NEK1: variants seen among roughly 807,000 people sequenced by gnomAD.
NEK1 encodes the protein NIMA related kinase 1, also known as serine/threonine-protein kinase Nek1.
NEK1 carries 137 observed loss-of-function variants against 182.1 expected under a neutral mutation model. The observed-to-expected ratio is 0.75, with a 90% confidence interval of 0.65 to 0.87. NEK1 has a LOEUF of 0.87. NEK1 is among the 40% of genes least tolerant of loss of function. NEK1 has a pLI of 0.00. For synonymous variants in NEK1, 513 were observed against 492.2 expected, an observed-to-expected ratio of 1.04 and a Z score of -0.56; for missense variants, 1,391 against 1,494.4, an observed-to-expected ratio of 0.93 and a Z score of 1.14.
chr4:169,441,223 C>G (rs562687328), intron 27 of NEK1, among the ~76,000 whole-genome samples: 161 of 152,298 alleles, frequency 1.1e-3, no homozygotes, highest in African/African-American at 3.8e-3. Flanking sequence ...AGCAACCCTG[C>G]CTCCCCTAGC....
At position 169,580,840 on chromosome 4, in the gene NEK1, A is replaced by G; in HGVS notation, c.868+2T>C. On this transcript the variant is annotated splice_donor_variant, in intron 11 of 35. Coordinates refer to ENST00000507142, the MANE Select transcript of NEK1 (RefSeq NM_001199397.3). LOFTEE classifies it high-confidence loss of function. ...AAAGGCTTCATATCAGATTTCATTT[A>G]CCTGGTATAGGCTGTGATCCAAACT... 2 of 1,518,926 alleles carry G rather than the reference A, an allele frequency of 1.3e-6. No homozygotes were observed. The highest frequency in any genetic ancestry group is 1.8e-6 in the Non-Finnish European group (2 of 1,119,096). The allele number at this position is 1,518,926 out of a possible 1,614,324, so 94.1% of individuals were successfully genotyped here. A position where few individuals can be genotyped will look rare whatever the true frequency, so the allele number is the denominator to read the frequency against.
Position 169,406,674 on chromosome 4 carries a change from T to C in NEK1, c.3296A>G (p.Asp1099Gly), listed in dbSNP as rs1418614354. The C allele has an allele frequency of 5.6e-6, 9 of 1,609,928 alleles. No individual in the cohort carries two copies. The highest frequency in any genetic ancestry group is 1.3e-5 in the African/African-American group (1 of 74,752). The change falls in exon 32 of 36, where the codon GAT (aspartate) becomes GGT (glycine). Residue 1099 changes from aspartate to glycine, a missense_variant. Around this residue, in one of 5 missense-constraint regions of NEK1, gnomAD observed 1,216 missense variants for 1,277.6 expected, o/e 0.95. Transcript: ENST00000507142. ...TATTTCAAGATTGTCTTGACGAACA[T>C]CTCCTACGGTGGGAACATCCATAAG... ...RTLMDVPTVG[D>G]VRQDNLEIDE...
At chr4:169,589,769 A>T (rs1768127867) in intron 6 of NEK1, among the ~76,000 whole-genome samples, 1 of 152,146 alleles carries the variant, frequency 6.6e-6, no homozygotes, top group Non-Finnish European at 1.5e-5. Context: ...TCTTCATGCC[A>T]TTGGGCTAGG....
Position 169,394,401 on chromosome 4 carries a change from T to C in NEK1, c.*109A>G. ...ATGCAATAAGAAAGTCCATCTTAAA[T>C]CTGATTTTTTAAATAAATAATTGCT... On this transcript the variant is annotated 3_prime_UTR_variant, in exon 36 of 36. Coordinates refer to ENST00000507142, the MANE Select transcript of NEK1 (RefSeq NM_001199397.3). 1 of 684,444 alleles carries C rather than the reference T, an allele frequency of 1.5e-6. No homozygotes were observed. The highest frequency in any genetic ancestry group is 2.5e-6 in the Non-Finnish European group (1 of 403,820). The allele number at this position is 684,444 out of a possible 1,614,324, so 42.4% of individuals were successfully genotyped here.
chr4:169,444,766 C>T (rs1579677231), intron 27 of NEK1, among the ~76,000 whole-genome samples: 1 of 152,198 alleles, frequency 6.6e-6, no homozygotes, highest in African/African-American at 2.4e-5. Flanking sequence ...TAACAGACAT[C>T]TACAGAACAC....
In NEK1 at chr4:169,531,214, C is replaced by T. The variant is rs140360980; in HGVS notation, c.1665+6595G>A. 4.7e-3 allele frequency among the ~76,000 whole-genome samples: 707 copies of T among 151,984 alleles called. 5 individuals are homozygous for T. Among genetic ancestry groups the T allele is most frequent in the African/African-American group, 0.016 (676 of 41,462 alleles). On this transcript the variant is annotated intron_variant, in intron 19 of 35. Coordinates refer to ENST00000507142, the MANE Select transcript of NEK1 (RefSeq NM_001199397.3). ...TAGTTCATGATCAAATGTCACAGAGCGGCAGAGTAAGATGAGGATTAAAAA... is the reference window on the plus strand; with the variant it reads ...TAGTTCATGATCAAATGTCACAGAGTGGCAGAGTAAGATGAGGATTAAAAA...
intron 19 of NEK1, among the ~76,000 whole-genome samples, chr4:169,532,219 C>A (rs1188032044): frequency 6.6e-6 from 1 of 152,056 alleles, no homozygotes; most frequent in African/African-American, 2.4e-5. Flanking sequence ...GAGATATACA[C>A]TTAGAATTTT....
At chr4:169,428,857 G>A (rs1159589339) in intron 29 of NEK1, among the ~76,000 whole-genome samples, 1 of 152,052 alleles carries the variant, frequency 6.6e-6, no homozygotes, top group Non-Finnish European at 1.5e-5. Context: ...TCTAATCTAT[G>A]GAGATGGTTT....
chr4:169,458,436 T>C (rs1349211777), intron 27 of NEK1, among the ~76,000 whole-genome samples: 1 of 152,024 alleles, frequency 6.6e-6, no homozygotes, highest in Non-Finnish European at 1.5e-5. Context: ...AAATATAAAA[T>C]GCAAAACTAG....
chr4:169,510,013 T>C (rs1038591847), intron 19 of NEK1, among the ~76,000 whole-genome samples: 9 of 152,324 alleles, frequency 5.9e-5, no homozygotes, highest in Middle Eastern at 6.8e-3. Context: ...CACTCCACTA[T>C]ACAAATGTTC....
chr4:169,403,748 A>C (rs1732086598), intron 32 of NEK1, among the ~76,000 whole-genome samples: 1 of 152,204 alleles, frequency 6.6e-6, no homozygotes, highest in Non-Finnish European at 1.5e-5. Context: ...ACTGTAAGAA[A>C]GTATGAGAAG....
intron 2 of NEK1, among the ~76,000 whole-genome samples, chr4:169,609,460 C>T (rs548612607): frequency 8.5e-5 from 13 of 152,294 alleles, no homozygotes; most frequent in African/African-American, 3.1e-4. Context: ...ACAGTCAACA[C>T]AGCAACTTTT....
chr4:169,543,047 C>G (rs1396343037), intron 18 of NEK1, among the ~76,000 whole-genome samples: 3 of 152,098 alleles, frequency 2.0e-5, no homozygotes, highest in Non-Finnish European at 4.4e-5. Flanking sequence ...GTGTTTTAGT[C>G]ATGAAGTCTT....
At chr4:169,555,315 A>G (rs1762008336) in intron 18 of NEK1, 1 of 201,408 alleles carries the variant, frequency 5.0e-6, no homozygotes, top group Admixed American at 5.5e-5. Flanking sequence ...CTAAGACAAC[A>G]AAGAGAAAAG....
chr4:169,496,868 T>C (rs1316974477), intron 23 of NEK1, among the ~76,000 whole-genome samples: 3 of 152,196 alleles, frequency 2.0e-5, no homozygotes, highest in African/African-American at 7.2e-5. Context: ...AAATTCTCTT[T>C]TTTTGTTGTG....
At chr4:169,524,461 C>CAAA (rs953408098) in intron 19 of NEK1, among the ~76,000 whole-genome samples, 2 of 50,580 alleles carry the variant, frequency 4.0e-5, no homozygotes, top group African/African-American at 5.3e-5. Context: ...AATTCCATCT[C>CAAA]AAAAAAAAAA....
chr4:169,423,385 G>T (rs142393295), intron 31 of NEK1, among the ~76,000 whole-genome samples: 69 of 152,258 alleles, frequency 4.5e-4, no homozygotes, highest in Middle Eastern at 6.8e-3. Flanking sequence ...TTCTAGGTAT[G>T]AGCCAGCATG....
At chr4:169,469,451 A>T (rs1437855815) in intron 26 of NEK1, among the ~76,000 whole-genome samples, 6 of 152,210 alleles carry the variant, frequency 3.9e-5, no homozygotes, top group African/African-American at 1.4e-4. Flanking sequence ...CTTAATCCTC[A>T]GTTCTAATTT....
chr4:169,499,850 G>A lies in NEK1; in HGVS notation c.2007+7187C>T, dbSNP rs867201521. Reference sequence around the variant, plus strand: ...CCAGTTAGGCTACTCGGGGGTCAGGGACCCACTTGAGGAGGCAGTCTGTCC... The same window carrying A: ...CCAGTTAGGCTACTCGGGGGTCAGGAACCCACTTGAGGAGGCAGTCTGTCC... On this transcript the variant is annotated intron_variant, in intron 23 of 35. Coordinates refer to ENST00000507142, the MANE Select transcript of NEK1 (RefSeq NM_001199397.3). Among the ~76,000 whole-genome samples the A allele has an allele frequency of 5.3e-5, 8 of 152,320 alleles. No individual in the cohort carries two copies. In the Middle Eastern group the frequency reaches 0.017, roughly 324 times the overall value.
Sources: gnomAD v4.1 joint callset for allele counts (sites outside exome capture counted in the v4.1 genomes callset) on GRCh38, gnomAD v4.1.1 for gene constraint, gnomAD v4.1.1 regional missense constraint, MANE v1.5 for transcripts, NCBI Gene and HGNC (gene_info 2026-07-23, HGNC 2026-07-21) for gene names.